NRG3: variants seen among roughly 807,000 people sequenced by gnomAD.
The protein encoded by NRG3 is pro-neuregulin-3, membrane-bound isoform.
Under a neutral mutation model 66.9 loss-of-function variants are expected in NRG3, and 31 were observed. The observed-to-expected ratio is 0.46, with a 90% CI of 0.35 to 0.63. The LOEUF is 0.63. Among genes scored for constraint, NRG3 ranks in the 20% least tolerant of loss-of-function variants. NRG3 has a pLI of 0.00. For synonymous variants in NRG3, 393 were observed against 359.4 expected, an observed-to-expected ratio of 1.09 and a Z score of -1.06; for missense variants, 910 against 878.9, an observed-to-expected ratio of 1.04 and a Z score of -0.45.
intron 3 of NRG3, among the ~76,000 whole-genome samples, chr10:82,779,725 A>G (rs561788332): frequency 7.3e-5 from 11 of 150,916 alleles, no homozygotes; most frequent in African/African-American, 2.7e-4. Context: ...GAAATTTTCT[A>G]TTCTTTTTTT....
chr10:82,620,433 A>G (rs1185398358), intron 2 of NRG3, among the ~76,000 whole-genome samples: 1 of 152,112 alleles, frequency 6.6e-6, no homozygotes, highest in African/African-American at 2.4e-5. Context: ...TGGGGCAGGC[A>G]GATAATCTTC....
intron 3 of NRG3, among the ~76,000 whole-genome samples, chr10:82,824,382 C>T (rs1475981652): frequency 6.6e-6 from 1 of 152,074 alleles, no homozygotes; most frequent in Non-Finnish European, 1.5e-5. Flanking sequence ...TCTCTATATA[C>T]CCAGAGGTGA....
intron 3 of NRG3, among the ~76,000 whole-genome samples, chr10:82,776,822 T>C (rs2059930087): frequency 6.6e-6 from 1 of 152,144 alleles, no homozygotes; most frequent in Non-Finnish European, 1.5e-5. Flanking sequence ...TTATGAATTA[T>C]TTTCTTGATC....
At chr10:82,514,060 T>C (rs1845437912) in intron 2 of NRG3, among the ~76,000 whole-genome samples, 1 of 152,222 alleles carries the variant, frequency 6.6e-6, no homozygotes, top group Non-Finnish European at 1.5e-5. Context: ...GTAATTTGTT[T>C]AAGTTCCTTG....
chr10:81,899,971 C>CTTTTTT (rs539816695), intron 1 of NRG3, among the ~76,000 whole-genome samples: 1 of 144,402 alleles, frequency 6.9e-6, no homozygotes, highest in Non-Finnish European at 1.5e-5. Flanking sequence ...GTTTTTCTTT[C>CTTTTTT]TTTTTTTTTT....
intron 1 of NRG3, among the ~76,000 whole-genome samples, chr10:82,116,491 G>A (rs2067728406): frequency 6.6e-6 from 1 of 152,076 alleles, no homozygotes; most frequent in African/African-American, 2.4e-5. Flanking sequence ...TTTTTACTTA[G>A]GGTGAGGGTT....
At chr10:81,971,608 C>T (rs1458683415) in intron 1 of NRG3, among the ~76,000 whole-genome samples, 3 of 152,154 alleles carry the variant, frequency 2.0e-5, no homozygotes, top group African/African-American at 7.2e-5. Flanking sequence ...GAACATCAGA[C>T]AGTGAAGTAC....
chr10:82,432,057 A>G (rs994923078), intron 2 of NRG3, among the ~76,000 whole-genome samples: 2 of 152,216 alleles, frequency 1.3e-5, no homozygotes, highest in Non-Finnish European at 2.9e-5. Flanking sequence ...AAATAGATTT[A>G]CATACTGCTG....
At chr10:82,806,586 C>T (rs2061293854) in intron 3 of NRG3, among the ~76,000 whole-genome samples, 1 of 152,164 alleles carries the variant, frequency 6.6e-6, no homozygotes, top group Non-Finnish European at 1.5e-5. Flanking sequence ...GTATTTCTCT[C>T]TAGAAAAGGC....
chr10:82,121,546 T>C (rs1288620746), intron 1 of NRG3, among the ~76,000 whole-genome samples: 1 of 152,174 alleles, frequency 6.6e-6, no homozygotes, highest in Non-Finnish European at 1.5e-5. Context: ...TGTCCTCTGG[T>C]GCTACTAGAG....
chr10:81,929,214 A>G (rs753429806), intron 1 of NRG3, among the ~76,000 whole-genome samples: 3 of 152,084 alleles, frequency 2.0e-5, no homozygotes, highest in Non-Finnish European at 4.4e-5. Context: ...TGAACAACCT[A>G]ATAAATATTT....
chr10:82,265,704 A>G, intron 1 of NRG3, among the ~76,000 whole-genome samples: 1 of 152,236 alleles, frequency 6.6e-6, no homozygotes, highest in East Asian at 1.9e-4. Context: ...ACCAACAATT[A>G]TGGCAGTAGC....
intron 8 of NRG3, among the ~76,000 whole-genome samples, chr10:82,980,899 GC>G (rs1246819877): frequency 6.6e-6 from 1 of 152,182 alleles, no homozygotes; most frequent in Non-Finnish European, 1.5e-5. Flanking sequence ...GTTTCATAGT[GC>G]CTTTTCCATA....
chr10:82,808,740 G>T (rs1440350934), intron 3 of NRG3, among the ~76,000 whole-genome samples: 1 of 152,128 alleles, frequency 6.6e-6, no homozygotes, highest in African/African-American at 2.4e-5. Context: ...TCAAAATTAT[G>T]AATTTATTCC....
At chr10:81,956,318 G>A (rs1044688895) in intron 1 of NRG3, among the ~76,000 whole-genome samples, 2 of 152,162 alleles carry the variant, frequency 1.3e-5, no homozygotes, top group Admixed American at 6.5e-5. Flanking sequence ...CACATGGAAA[G>A]GCCAACTCAG....
intron 1 of NRG3, among the ~76,000 whole-genome samples, chr10:81,886,045 A>T (rs934322990): frequency 2.6e-5 from 4 of 152,294 alleles, no homozygotes; most frequent in Admixed American, 6.5e-5. Context: ...ATCAGGATAA[A>T]TAGCTAATGC....
chr10:82,612,205 T>G (rs1176964562), intron 2 of NRG3, among the ~76,000 whole-genome samples: 1 of 152,160 alleles, frequency 6.6e-6, no homozygotes, highest in African/African-American at 2.4e-5. Context: ...TTTCTCCCAC[T>G]CTATAGGTTG....
At chr10:82,343,206 AG>A (rs1279114416) in intron 1 of NRG3, among the ~76,000 whole-genome samples, 2 of 152,168 alleles carry the variant, frequency 1.3e-5, no homozygotes, top group African/African-American at 4.8e-5. Context: ...ATTTCAGTAA[AG>A]TTTCAGGATA....
intron 2 of NRG3, among the ~76,000 whole-genome samples, chr10:82,735,061 G>GAAGA (rs894731622): frequency 3.3e-5 from 5 of 151,640 alleles, no homozygotes; most frequent in South Asian, 2.1e-4. Flanking sequence ...AGGGAGGAAG[G>GAAGA]AAGAAAGAAA....
Sources: gnomAD v4.1 joint callset for allele counts (sites outside exome capture counted in the v4.1 genomes callset) on GRCh38, gnomAD v4.1.1 for gene constraint, MANE v1.5 for transcripts, NCBI Gene and HGNC (gene_info 2026-07-23, HGNC 2026-07-21) for gene names.